SLC2A2: variants seen among roughly 807,000 people sequenced by gnomAD.
The protein encoded by SLC2A2 is solute carrier family 2 member 2.
SLC2A2 carries 36 observed loss-of-function variants against 54.5 expected under a neutral mutation model. That is an observed-to-expected ratio of 0.66 (90% CI 0.51 to 0.87). SLC2A2 has a LOEUF of 0.87. SLC2A2 is among the 40% of genes least tolerant of loss of function. The pLI, the probability that SLC2A2 is intolerant of heterozygous loss-of-function variation, is 0.00. For missense variants in SLC2A2, 543 were observed against 624.3 expected, an observed-to-expected ratio of 0.87 and a Z score of 1.39; for synonymous variants, 223 against 219.1, an observed-to-expected ratio of 1.02 and a Z score of -0.16.
At position 171,005,402 on chromosome 3, in the gene SLC2A2, T is replaced by C; in HGVS notation, c.846A>G (p.Glu282=). ...TAGAGACTTTCTGCTCACTCGATGC[T>C]TCTTCTCTTTCTTTTCTCATTTCAT... ...DINEMRKERE[E]ASSEQKVSII... Residue 282 remains glutamate (E), a synonymous_variant, in exon 7 of 11, where the codon GAA becomes GAG. Transcript: ENST00000314251. 1.2e-6 allele frequency: 2 copies of C among 1,612,812 alleles called. No individual in the cohort carries two copies. Among genetic ancestry groups the C allele is most frequent in the Non-Finnish European group, 1.7e-6 (2 of 1,179,182 alleles).
chr3:170,999,230 A>C, intron 8 of SLC2A2, 64 bp from the exon 9 acceptor site: 1 of 1,082,768 alleles, frequency 9.2e-7, no homozygotes, highest in African/African-American at 1.5e-5. Context: ...TGTTTACTTA[A>C]ATCATTTTTA....
rs756099063 is a variant in SLC2A2, at chr3:170,998,011, T to C, written c.1467A>G (p.Gly489=). The change falls in exon 11 of 11, where the codon GGA becomes GGG. Residue 489 remains glycine, a synonymous_variant. Coordinates refer to ENST00000314251, the MANE Select transcript of SLC2A2 (RefSeq NM_000340.2). ...FTFFKVPETK[G]KSFEEIAAEF... is the part of the protein sequence containing the mutation. ...CTGCAGCAATTTCCTCAAAAGACTTTCCTTTGGTTTCTGGAACTTTAAAAA... is the reference window on the plus strand; with the variant it reads ...CTGCAGCAATTTCCTCAAAAGACTTCCCTTTGGTTTCTGGAACTTTAAAAA... 7.4e-6 allele frequency: 12 copies of C among 1,613,768 alleles called. No individual in the cohort carries two copies. The highest frequency in any genetic ancestry group is 1.0e-5 in the Non-Finnish European group (12 of 1,179,806).
intron 5 of SLC2A2, 112 bp from the exon 6 acceptor site, chr3:171,006,217 G>A (rs940825835): frequency 2.1e-6 from 2 of 937,548 alleles, no homozygotes; most frequent in African/African-American, 3.3e-5. Flanking sequence ...TGACAACTTT[G>A]GTTCAAGTAA....
chr3:171,009,959 A>G lies in SLC2A2; in HGVS notation c.495T>C (p.Cys165=), dbSNP rs5401. ...TGTGTGTGTGTGTGTGTGACTTACC[A>G]CAATATAGTCCTGATATGCTTCTTC... ...IAGRSISGLY[C]GLISGLVPMY... Residue 165 remains cysteine (C), a splice_region_variant and synonymous_variant, in exon 4 of 11, where the codon TGT becomes TGC. Coordinates refer to ENST00000314251, the MANE Select transcript of SLC2A2 (RefSeq NM_000340.2). The G allele has an allele frequency of 1.4e-5, 23 of 1,590,292 alleles. No individual in the cohort carries two copies. Among genetic ancestry groups the G allele is most frequent in the Admixed American group, 6.9e-5 (4 of 57,770 alleles).
intron 3 of SLC2A2, 142 bp downstream of exon 3, chr3:171,014,327 T>G: frequency 1.2e-6 from 1 of 819,572 alleles, no homozygotes; most frequent in Non-Finnish European, 2.0e-6. Context: ...GATCTAACAC[T>G]GATATGCCTC....
intron 4 of SLC2A2, among the ~76,000 whole-genome samples, chr3:171,007,793 G>A (rs1430944355): frequency 6.6e-6 from 1 of 152,010 alleles, no homozygotes; most frequent in Non-Finnish European, 1.5e-5. Context: ...GGTGACGAGG[G>A]GCGAGGGGAG....
At position 170,997,815 on chromosome 3, in the gene SLC2A2, G is replaced by T; in HGVS notation, c.*88C>A. ...TAAAAATAAAACAATACTTAAAGAT[G>T]TGGATATAAAATGCTCAAGGAATCA... On this transcript the variant is annotated 3_prime_UTR_variant, in exon 11 of 11. Transcript: ENST00000314251. 9.9e-7 allele frequency: 1 copy of T among 1,014,188 alleles called. No homozygotes were observed. Among genetic ancestry groups the T allele is most frequent in the Non-Finnish European group, 1.5e-6 (1 of 650,962 alleles). The allele number at this position is 1,014,188 out of a possible 1,614,324, so 62.8% of individuals were successfully genotyped here. A position where few individuals can be genotyped will look rare whatever the true frequency, so the allele number is the denominator to read the frequency against.
At chr3:171,014,953 G>A (rs61791108) in intron 2 of SLC2A2, among the ~76,000 whole-genome samples, 4,510 of 152,176 alleles carry the variant, frequency 0.03, 69 homozygotes, top group Admixed American at 0.043. Flanking sequence ...TAAATGAAGG[G>A]AACATGTAAT....
In SLC2A2 at chr3:171,018,489, A is replaced by G. The variant is rs1303721890; in HGVS notation, c.108+42T>C. 11 of 1,341,974 alleles carry G rather than the reference A, an allele frequency of 8.2e-6. No individual in the cohort carries two copies. The Admixed American group carries it at 1.5e-4, about 18-fold the overall frequency. 83.1% of individuals were successfully genotyped at this position (1,341,974 alleles called of 1,614,324 possible). A position where few individuals can be genotyped will look rare whatever the true frequency, so the allele number is the denominator to read the frequency against. Reference sequence around the variant, plus strand: ...GAGGAACATATGATATCTATCACTGACAGAACTTGCCAAAAAGAGAACTTC... The same window carrying G: ...GAGGAACATATGATATCTATCACTGGCAGAACTTGCCAAAAAGAGAACTTC... On this transcript the variant is annotated intron_variant, in intron 2 of 10. Coordinates refer to ENST00000314251, the MANE Select transcript of SLC2A2 (RefSeq NM_000340.2).
At chr3:171,026,559 T>C in intron 1 of SLC2A2, 97 bp downstream of exon 1, 2 of 986,008 alleles carry the variant, frequency 2.0e-6, no homozygotes, top group South Asian at 2.5e-5. Flanking sequence ...CTGTGGTAGC[T>C]ACACCCAACC....
intron 1 of SLC2A2, among the ~76,000 whole-genome samples, chr3:171,020,100 C>G (rs905675094): frequency 6.6e-6 from 1 of 152,306 alleles, no homozygotes; most frequent in East Asian, 1.9e-4. Flanking sequence ...ACCCAAGCCA[C>G]TTCCCTTATA....
At chr3:171,004,042 T>G (rs1022052470) in intron 7 of SLC2A2, among the ~76,000 whole-genome samples, 1 of 152,046 alleles carries the variant, frequency 6.6e-6, no homozygotes, top group African/African-American at 2.4e-5. Context: ...TCCATCATCC[T>G]TTGTCATTCC....
At position 171,007,249 on chromosome 3, in the gene SLC2A2, G is replaced by A; in HGVS notation, c.511C>T (p.Leu171=). The change falls in exon 5 of 11, where the codon CTG becomes TTG. Residue 171 remains leucine (L), a synonymous_variant. Transcript: ENST00000314251. ...ATTTCACCGATATACATAGGAACCAGGCCTGAAATTAGCCCTGCATGAAAC... is the reference window on the plus strand; with the variant it reads ...ATTTCACCGATATACATAGGAACCAAGCCTGAAATTAGCCCTGCATGAAAC... The part of the protein sequence containing the change: ...SGLYCGLISG[L]VPMYIGEIAP... 1 of 1,606,756 alleles carries A rather than the reference G, an allele frequency of 6.2e-7. No individual in the cohort carries two copies. Among genetic ancestry groups the A allele is most frequent in the Non-Finnish European group, 8.5e-7 (1 of 1,173,858 alleles).
intron 1 of SLC2A2, among the ~76,000 whole-genome samples, chr3:171,019,135 A>ATG (rs1334894984): frequency 2.0e-4 from 23 of 115,894 alleles, no homozygotes; most frequent in Non-Finnish European, 3.2e-4. Context: ...GTATGTATAT[A>ATG]TATATATATA....
At chr3:171,000,710 C>A (rs1164225909) in intron 8 of SLC2A2, among the ~76,000 whole-genome samples, 2 of 152,054 alleles carry the variant, frequency 1.3e-5, no homozygotes, top group Non-Finnish European at 2.9e-5. Flanking sequence ...GGATGTGGAA[C>A]ACAATTAGTG....
chr3:171,001,891 A>ATCCTTAATATAT (rs1715351968), intron 8 of SLC2A2, among the ~76,000 whole-genome samples: 11 of 150,342 alleles, frequency 7.3e-5, no homozygotes, highest in South Asian at 2.1e-4. Flanking sequence ...CTTCTTATAT[A>ATCCTTAATATAT]AAGTTATTTG....
chr3:171,019,119 A>ACG (rs1560042133), intron 1 of SLC2A2, among the ~76,000 whole-genome samples: 9 of 5,512 alleles, frequency 1.6e-3, no homozygotes, highest in Non-Finnish European at 2.9e-3. Context: ...ATATATATAT[A>ACG]TATACGTATG....
In SLC2A2 at chr3:171,005,271, G is replaced by A. The variant is rs189551647; in HGVS notation, c.963+14C>T. 6.2e-5 allele frequency: 100 copies of A among 1,609,466 alleles called. 1 individual carries two copies. In the African/African-American group the frequency reaches 1.2e-3, roughly 19 times the overall value. ...ACTGTGCTCTTAAGAGTTAGTGGGT[G>A]TTCTTAAACTTACGCCATTGATTCC... On this transcript the variant is annotated intron_variant, in intron 7 of 10. Transcript: ENST00000314251.
intron 9 of SLC2A2, 141 bp from the exon 10 acceptor site, chr3:170,998,537 TGA>T (rs1360549626): frequency 1.5e-6 from 1 of 687,386 alleles, no homozygotes; most frequent in Non-Finnish European, 2.6e-6. Flanking sequence ...TATTCTATTC[TGA>T]GAGAAATTAT....
Sources: gnomAD v4.1 joint callset for allele counts (sites outside exome capture counted in the v4.1 genomes callset) on GRCh38, gnomAD v4.1.1 for gene constraint, MANE v1.5 for transcripts, NCBI Gene and HGNC (gene_info 2026-07-23, HGNC 2026-07-21) for gene names.